The following SNX5 variants were observed in gnomAD, a reference collection of about 807,000 sequenced individuals.
The protein encoded by SNX5 is sorting nexin 5.
Under a neutral mutation model 53.9 loss-of-function variants are expected in SNX5, and 31 were observed. The observed-to-expected ratio is 0.58, with a 90% CI of 0.43 to 0.78. The LOEUF is 0.78. SNX5 is among the 30% of genes least tolerant of loss of function. The pLI is 0.00. For synonymous variants in SNX5, 168 were observed against 171.1 expected (o/e 0.98, Z 0.14); for missense variants, 471 against 478.8 (o/e 0.98, Z 0.15).
intron 1 of SNX5, among the ~76,000 whole-genome samples, chr20:17,960,759 AGAGC>A (rs1407593714): frequency 2.7e-5 from 4 of 148,634 alleles, no homozygotes; most frequent in African/African-American, 9.9e-5. Context: ...CCTGGGCAAC[AGAGC>A]GAGTCTCCAA....
chr20:17,949,484 A>C (rs2039533931), intron 8 of SNX5, among the ~76,000 whole-genome samples: 1 of 152,260 alleles, frequency 6.6e-6, no homozygotes, highest in South Asian at 2.1e-4. Flanking sequence ...ATTTCGAGTC[A>C]GAAGTAGTAT....
At chr20:17,962,520 G>C (rs1023615943) in intron 1 of SNX5, among the ~76,000 whole-genome samples, 1 of 150,376 alleles carries the variant, frequency 6.6e-6, no homozygotes, top group African/African-American at 2.5e-5. Context: ...GCTTTTACAG[G>C]TATTGGCTCT....
chr20:17,957,764 G>A (rs1472204378), intron 1 of SNX5, among the ~76,000 whole-genome samples: 1 of 152,186 alleles, frequency 6.6e-6, no homozygotes, highest in African/African-American at 2.4e-5. Context: ...GAACAGTCAT[G>A]TGGAATAGGA....
chr20:17,948,913 T>A lies in SNX5; in HGVS notation c.895A>T (p.Met299Leu). ...ACCTTAGCAGCTTCAATGTTGAGCATGTAGTATCGGAGGAGCTCTGTTAGC... is the reference window on the plus strand; with the variant it reads ...ACCTTAGCAGCTTCAATGTTGAGCAAGTAGTATCGGAGGAGCTCTGTTAGC... ...LKLTELLRYY[M>L]LNIEAAKDLL... Residue 299 changes from methionine (M) to leucine (L), a missense_variant, in exon 10 of 13, where the codon ATG (methionine) becomes TTG (leucine). Coordinates refer to ENST00000377759, the MANE Select transcript of SNX5 (RefSeq NM_014426.4). 1 of 1,611,972 alleles carries A rather than the reference T, an allele frequency of 6.2e-7. No homozygotes were observed. Among genetic ancestry groups the A allele is most frequent in the Non-Finnish European group, 8.5e-7 (1 of 1,179,736 alleles).
At chr20:17,946,955 C>T (rs990626747) in intron 11 of SNX5, among the ~76,000 whole-genome samples, 3 of 152,262 alleles carry the variant, frequency 2.0e-5, no homozygotes, top group Non-Finnish European at 4.4e-5. Flanking sequence ...ATAACCAGAT[C>T]TAAACATGAG....
At chr20:17,951,627 G>T in intron 5 of SNX5, 32 bp from the exon 6 acceptor site, 1 of 1,426,806 alleles carries the variant, frequency 7.0e-7, no homozygotes, top group South Asian at 1.2e-5. Flanking sequence ...GAGTTTATAT[G>T]GTATGGATTT....
intron 11 of SNX5, among the ~76,000 whole-genome samples, chr20:17,946,205 C>A (rs556896370): frequency 6.6e-6 from 1 of 152,206 alleles, no homozygotes; most frequent in Admixed American, 6.5e-5. Context: ...ATCCCTGAAA[C>A]CTGCATGTGT....
chr20:17,942,382 C>T lies in SNX5; in HGVS notation c.1190G>A (p.Cys397Tyr). 1.2e-6 allele frequency: 2 copies of T among 1,611,762 alleles called. No individual in the cohort carries two copies. Among genetic ancestry groups the T allele is most frequent in the East Asian group, 2.2e-5 (1 of 44,872 alleles). Residue 397 changes from cysteine (C) to tyrosine (Y), a missense_variant, in exon 13 of 13, where the codon TGT (cysteine) becomes TAT (tyrosine). Physicochemically the swap from Cys to Tyr is radical, Grantham distance 194. Transcript: ENST00000377759. Reference protein sequence around the residue: ...ARNNVSLLQSCIDLFKNN With the variant: ...ARNNVSLLQSYIDLFKNN ...TCAGTTATTCTTGAACAAGTCAATACAGCTCTGCAAAAGGGAGACATTGTT... is the reference window on the plus strand; with the variant it reads ...TCAGTTATTCTTGAACAAGTCAATATAGCTCTGCAAAAGGGAGACATTGTT...
intron 1 of SNX5, among the ~76,000 whole-genome samples, chr20:17,963,274 G>A (rs1218417813): frequency 6.6e-6 from 1 of 152,064 alleles, no homozygotes; most frequent in Non-Finnish European, 1.5e-5. Flanking sequence ...GCGGCCAGGA[G>A]TTTGAGACAA....
chr20:17,961,824 T>C, intron 1 of SNX5: 12 of 985,450 alleles, frequency 1.2e-5, no homozygotes, highest in Non-Finnish European at 1.4e-5. Context: ...CATCGATGAT[T>C]CTTAGCATGG....
At chr20:17,952,244 A>G (rs1039287361) in intron 5 of SNX5, among the ~76,000 whole-genome samples, 3 of 152,216 alleles carry the variant, frequency 2.0e-5, no homozygotes, top group Non-Finnish European at 4.4e-5. Context: ...GAAAAAAGTC[A>G]TAATTCAACA....
At chr20:17,964,859 G>T (rs73898728) in intron 1 of SNX5, among the ~76,000 whole-genome samples, 1,806 of 152,204 alleles carry the variant, frequency 0.012, 32 homozygotes, top group African/African-American at 0.04. Flanking sequence ...AGAAACTCAG[G>T]TAAGTTTCCA....
chr20:17,947,336 G>T, intron 11 of SNX5, 150 bp downstream of exon 11: 1 of 743,058 alleles, frequency 1.3e-6, no homozygotes, highest in Non-Finnish European at 2.1e-6. Flanking sequence ...CCATGAGGAT[G>T]ACTGTGCATG....
At chr20:17,959,326 G>T (rs567474980) in intron 1 of SNX5, among the ~76,000 whole-genome samples, 12 of 152,138 alleles carry the variant, frequency 7.9e-5, no homozygotes, top group Non-Finnish European at 1.5e-4. Flanking sequence ...CCATGTAGAG[G>T]TAATACCCCC....
At chr20:17,963,160 C>T (rs1222049250) in intron 1 of SNX5, among the ~76,000 whole-genome samples, 1 of 152,212 alleles carries the variant, frequency 6.6e-6, no homozygotes, top group Non-Finnish European at 1.5e-5. Flanking sequence ...ACCACTGCTA[C>T]CAAGAAAGCA....
intron 4 of SNX5, among the ~76,000 whole-genome samples, chr20:17,953,768 T>A (rs1453837838): frequency 6.6e-6 from 1 of 152,166 alleles, no homozygotes; most frequent in African/African-American, 2.4e-5. Flanking sequence ...AGACAACTAC[T>A]CTATCGGGTA....
rs896285392 is a variant in SNX5 at position 17,947,740 on chromosome 20, A to G, written c.919-95T>C. On this transcript the variant is annotated intron_variant, in intron 10 of 12. Transcript: ENST00000377759. Reference sequence around the variant, plus strand: ...TGTACCACCTGAGATGTTAGTGGCAATAATCTACCTCTACACCTTCCCTCT... The same window carrying G: ...TGTACCACCTGAGATGTTAGTGGCAGTAATCTACCTCTACACCTTCCCTCT... 2.9e-6 allele frequency: 3 copies of G among 1,021,424 alleles called. No individual in the cohort carries two copies. In the African/African-American group the frequency reaches 4.9e-5, roughly 17 times the overall value. 63.3% of individuals were successfully genotyped at this position (1,021,424 alleles called of 1,614,324 possible). A position where few individuals can be genotyped will look rare whatever the true frequency, so the allele number is the denominator to read the frequency against.
At chr20:17,955,335 C>A (rs1406122525) in intron 3 of SNX5, 30 bp downstream of exon 3, 1 of 1,509,762 alleles carries the variant, frequency 6.6e-7, no homozygotes, top group Non-Finnish European at 9.2e-7. Flanking sequence ...GCAGAAAGAA[C>A]TAGCTTATTT....
chr20:17,963,546 A>C (rs2035491566), intron 1 of SNX5, among the ~76,000 whole-genome samples: 1 of 152,104 alleles, frequency 6.6e-6, no homozygotes, highest in African/African-American at 2.4e-5. Flanking sequence ...CAATCCCATC[A>C]TGGCTCCCTC....
Sources: allele counts gnomAD v4.1 joint callset (sites outside exome capture counted in the v4.1 genomes callset), GRCh38; gene constraint gnomAD v4.1.1; transcripts MANE v1.5; gene names NCBI Gene and HGNC (gene_info 2026-07-23, HGNC 2026-07-21).